The following SRFBP1 variants were observed in gnomAD, a reference collection of about 807,000 sequenced individuals.
SRFBP1 encodes the protein serum response factor binding protein 1, also known as serum response factor-binding protein 1.
In SRFBP1, 47 loss-of-function variants were observed where a neutral mutation model predicts 45.5. That is an observed-to-expected ratio of 1.03 (90% CI 0.82 to 1.32). The LOEUF (loss-of-function observed/expected upper bound fraction) is 1.32. Among genes scored for constraint, SRFBP1 ranks in the 40% most tolerant of loss-of-function variants. The pLI is 0.00. For missense variants in SRFBP1, 621 were observed against 484.6 expected, an observed-to-expected ratio of 1.28 and a Z score of -2.64; for synonymous variants, 203 against 166.3, an observed-to-expected ratio of 1.22 and a Z score of -1.70.
At chr5:121,998,498 C>T (rs1232555086) in intron 4 of SRFBP1, among the ~76,000 whole-genome samples, 1 of 120,892 alleles carries the variant, frequency 8.3e-6, no homozygotes, top group Non-Finnish European at 1.6e-5. Context: ...GGGAATATCA[C>T]ACTCTGGGGA....
intron 4 of SRFBP1, among the ~76,000 whole-genome samples, chr5:122,013,716 G>A (rs1362168754): frequency 1.3e-5 from 2 of 152,056 alleles, no homozygotes; most frequent in African/African-American, 4.8e-5. Context: ...TTTAGTTCAG[G>A]ATTACAAAGA....
chr5:122,043,963 G>A (rs550899283), intron 2 of SRFBP1, among the ~76,000 whole-genome samples: 18 of 152,122 alleles, frequency 1.2e-4, no homozygotes, highest in African/African-American at 3.9e-4. Flanking sequence ...CTGGTAATGC[G>A]CATGATACCT....
At chr5:122,048,582 C>G (rs1044835624) in intron 2 of SRFBP1, among the ~76,000 whole-genome samples, 2 of 152,144 alleles carry the variant, frequency 1.3e-5, no homozygotes, top group African/African-American at 4.8e-5. Context: ...GGAGGATTCC[C>G]TCTTTTTCTA....
At chr5:121,996,571 A>G (rs1272941775) in intron 4 of SRFBP1, among the ~76,000 whole-genome samples, 2 of 37,942 alleles carry the variant, frequency 5.3e-5, no homozygotes, top group Middle Eastern at 5.8e-3. Context: ...TGAATGGGCA[A>G]AAACTGGAAG....
At chr5:121,990,429 G>A (rs1316303775) in intron 3 of SRFBP1, among the ~76,000 whole-genome samples, 2 of 152,096 alleles carry the variant, frequency 1.3e-5, no homozygotes, top group African/African-American at 4.8e-5. Context: ...ACTACTAGCG[G>A]GTGGAGTGGG....
rs541935992 is a variant in SRFBP1 at position 122,005,718 on chromosome 5, C to T, written c.270+11048C>T. On this transcript the variant is annotated intron_variant, in intron 4 of 7. Coordinates refer to ENST00000339397, the MANE Select transcript of SRFBP1 (RefSeq NM_152546.3). Reference sequence around the variant, plus strand: ...TAATTGTTTTCTGGCTGTTTTGTAGCTCCTTTGTTCCTTTCTTTCTCTCTT... The same window carrying T: ...TAATTGTTTTCTGGCTGTTTTGTAGTTCCTTTGTTCCTTTCTTTCTCTCTT... Among the ~76,000 whole-genome samples, 10 of 152,156 alleles carry T rather than the reference C, an allele frequency of 6.6e-5. No homozygotes were observed. In the East Asian group the frequency reaches 1.7e-3, roughly 26 times the overall value.
rs150334423 is a variant in SRFBP1, at chr5:122,011,677, C to A, written c.271-7583C>A. Among the ~76,000 whole-genome samples the A allele has an allele frequency of 6.6e-3, 999 of 152,196 alleles. 18 individuals carry two copies. The highest frequency in any genetic ancestry group is 0.023 in the African/African-American group (957 of 41,520). ...AACATTGTGAGCTTCAAAAGTTGAT[C>A]TGTGTGTCCTCATGTGTAAGACAGT... On this transcript the variant is annotated intron_variant, in intron 4 of 7. Transcript: ENST00000339397.
intron 3 of SRFBP1, among the ~76,000 whole-genome samples, chr5:121,985,174 T>G (rs980841610): frequency 6.6e-6 from 1 of 151,858 alleles, no homozygotes; most frequent in African/African-American, 2.4e-5. Flanking sequence ...TGAAAGATGC[T>G]GATAGGCACA....
intron 3 of SRFBP1, among the ~76,000 whole-genome samples, chr5:121,979,912 G>A (rs532192632): frequency 1.1e-4 from 17 of 152,228 alleles, no homozygotes; most frequent in African/African-American, 4.1e-4. Flanking sequence ...TAAATTCTGG[G>A]TTTGTTTATT....
chr5:122,039,889 T>C (rs1344138147), intron 2 of SRFBP1, among the ~76,000 whole-genome samples: 1 of 152,190 alleles, frequency 6.6e-6, no homozygotes, highest in Non-Finnish European at 1.5e-5. Context: ...ATTTGAGTAA[T>C]TGGGTTATCC....
chr5:122,003,409 T>TACTG (rs148408057), intron 4 of SRFBP1, among the ~76,000 whole-genome samples: 5,790 of 152,086 alleles, frequency 0.038, 319 homozygotes, highest in African/African-American at 0.11. Flanking sequence ...GCTCAGGTCT[T>TACTG]AGACAAAATA....
In SRFBP1 at chr5:121,998,619, A is replaced by G. The variant is rs562717801; in HGVS notation, c.270+3949A>G. 4.5e-3 allele frequency among the ~76,000 whole-genome samples: 686 copies of G among 150,934 alleles called. 6 individuals carry two copies. Among genetic ancestry groups the G allele is most frequent in the African/African-American group, 0.016 (651 of 41,024 alleles). On this transcript the variant is annotated intron_variant, in intron 4 of 7. Coordinates refer to ENST00000339397, the MANE Select transcript of SRFBP1 (RefSeq NM_152546.3). Reference sequence around the variant, plus strand: ...AGCATGGCACGTGTATACATATGTAAGTAACCTGCACAATGTGCACATGTA... The same window carrying G: ...AGCATGGCACGTGTATACATATGTAGGTAACCTGCACAATGTGCACATGTA...
intron 2 of SRFBP1, among the ~76,000 whole-genome samples, chr5:122,061,738 CAT>C (rs1754173123): frequency 6.6e-6 from 1 of 151,876 alleles, no homozygotes; most frequent in African/African-American, 2.4e-5. Flanking sequence ...ATAGGAAAGA[CAT>C]ATTTTTTTCT....
intron 2 of SRFBP1, among the ~76,000 whole-genome samples, chr5:122,042,295 G>T (rs369244923): frequency 7.2e-5 from 11 of 151,924 alleles, no homozygotes; most frequent in African/African-American, 2.7e-4. Flanking sequence ...TTGAGACAGG[G>T]TCTCACTGTG....
downstream of SRFBP1, among the ~76,000 whole-genome samples, chr5:122,033,584 C>T (rs972038300): frequency 6.6e-6 from 1 of 151,884 alleles, no homozygotes; most frequent in Non-Finnish European, 1.5e-5. Flanking sequence ...GCCTCAGCCT[C>T]CCCGTTAGCT....
At chr5:122,010,008 C>A (rs1389628296) in intron 4 of SRFBP1, among the ~76,000 whole-genome samples, 1 of 152,088 alleles carries the variant, frequency 6.6e-6, no homozygotes, top group Non-Finnish European at 1.5e-5. Context: ...AACTCTGCCA[C>A]CAGTACCAAA....
At chr5:121,966,798 G>A in intron 1 of SRFBP1, among the ~76,000 whole-genome samples, 1 of 124,488 alleles carries the variant, frequency 8.0e-6, no homozygotes, top group Non-Finnish European at 1.7e-5. Flanking sequence ...TTTTTTTTTT[G>A]AGACGGAGTC....
chr5:122,074,187 A>G lies in SRFBP1; in HGVS notation n.312-1128A>G, dbSNP rs767611165. On this transcript the variant is annotated intron_variant and non_coding_transcript_variant, in intron 2 of 2. Coordinates refer to the SRFBP1 transcript ENST00000504881. ...GGTAATGTCTGATGTCCCACAAAAC[A>G]AAAAGATGGTGGTCAGTTACATACA... The G allele has an allele frequency of 6.2e-6, 10 of 1,605,536 alleles. No individual in the cohort carries two copies. In the South Asian group the frequency reaches 1.1e-4, roughly 18 times the overall value.
chr5:122,001,411 TTTTTTA>T (rs991024659), intron 4 of SRFBP1, among the ~76,000 whole-genome samples: 2 of 149,214 alleles, frequency 1.3e-5, no homozygotes, highest in African/African-American at 4.9e-5. Flanking sequence ...TTTATTTTTA[TTTTTTA>T]TTTTTATTTT....
Sources: gnomAD v4.1 joint callset for allele counts (sites outside exome capture counted in the v4.1 genomes callset) on GRCh38, gnomAD v4.1.1 for gene constraint, MANE v1.5 for transcripts, NCBI Gene and HGNC (gene_info 2026-07-23, HGNC 2026-07-21) for gene names.